FBXO34: variants seen among roughly 807,000 people sequenced by gnomAD.
FBXO34 encodes F-box only protein 34.
In FBXO34, 12 loss-of-function variants were observed where a neutral mutation model predicts 24.5. That is an observed-to-expected ratio of 0.49 (90% CI 0.31 to 0.79). The LOEUF (loss-of-function observed/expected upper bound fraction) is 0.79, where lower values mean the gene tolerates loss of function less well. FBXO34 is among the 30% of genes least tolerant of loss of function. The pLI, the probability that FBXO34 is intolerant of heterozygous loss-of-function variation, is 0.04. For synonymous variants in FBXO34, 320 were observed against 311.9 expected, an observed-to-expected ratio of 1.03 and a Z score of -0.27; for missense variants, 823 against 857.7, an observed-to-expected ratio of 0.96 and a Z score of 0.51.
At position 55,352,675 on chromosome 14, in the gene FBXO34, T is replaced by A; in HGVS notation, c.*149T>A. 1.5e-6 allele frequency: 1 copy of A among 684,356 alleles called. No individual in the cohort carries two copies. The highest frequency in any genetic ancestry group is 2.3e-6 in the Non-Finnish European group (1 of 431,980). 42.4% of individuals were successfully genotyped at this position (684,356 alleles called of 1,614,324 possible). A position where few individuals can be genotyped will look rare whatever the true frequency, so the allele number is the denominator to read the frequency against. ...CATTGCTCAGGCATTTTCTAAACTC[T>A]AAATTTACGAGCTGTACAAAAAAAT... On this transcript the variant is annotated 3_prime_UTR_variant, in exon 2 of 2. Coordinates refer to ENST00000313833, the MANE Select transcript of FBXO34 (RefSeq NM_017943.4).
At chr14:55,429,094 G>A in the FBXO34 span, 2 of 1,270,148 alleles carry the variant, frequency 1.6e-6, no homozygotes, top group East Asian at 2.4e-5. Flanking sequence ...CTATGAAGCT[G>A]TAGGCTTTGT....
chr14:55,373,545 C>T (rs979896309), downstream of FBXO34, among the ~76,000 whole-genome samples: 1 of 152,126 alleles, frequency 6.6e-6, no homozygotes, highest in Non-Finnish European at 1.5e-5. Context: ...CTGCAAACTC[C>T]GCCTCCTGGG....
At chr14:55,440,479 G>A in the FBXO34 span, 2 of 1,612,654 alleles carry the variant, frequency 1.2e-6, no homozygotes, top group East Asian at 4.5e-5. Context: ...GGGGGTGGGG[G>A]CGGGTAAGAG....
At chr14:55,363,063 C>G (rs1010790965), downstream of FBXO34, among the ~76,000 whole-genome samples, 1 of 146,388 alleles carries the variant, frequency 6.8e-6, no homozygotes, top group Admixed American at 6.9e-5. Flanking sequence ...GCTCTTGTTG[C>G]CCAGGCTGGA....
At chr14:55,347,832 A>G (rs1884208445) in intron 1 of FBXO34, among the ~76,000 whole-genome samples, 1 of 152,268 alleles carries the variant, frequency 6.6e-6, no homozygotes, top group African/African-American at 2.4e-5. Flanking sequence ...TGCAATGCAC[A>G]ATGGCGCACA....
chr14:55,326,661 G>C (rs1309130190), intron 1 of FBXO34, among the ~76,000 whole-genome samples: 1 of 152,166 alleles, frequency 6.6e-6, no homozygotes, highest in Non-Finnish European at 1.5e-5. Context: ...CTTATGAATA[G>C]AATTTAAGAG....
At chr14:55,368,074 AGTT>A (rs376551769) in exon 3 of FBXO34, 2 of 151,842 alleles carry the variant, frequency 1.3e-5, no homozygotes, top group African/African-American at 4.8e-5. Flanking sequence ...TTCTTTTGGT[AGTT>A]GTTACATAGG....
chr14:55,273,746 C>G (rs750783978), intron 1 of FBXO34, among the ~76,000 whole-genome samples: 81 of 152,142 alleles, frequency 5.3e-4, no homozygotes, highest in Non-Finnish European at 7.6e-4. Flanking sequence ...ATGTGTCTTT[C>G]CCGAGCGGTA....
chr14:55,419,032 T>A, the FBXO34 span, among the ~76,000 whole-genome samples: 1 of 152,214 alleles, frequency 6.6e-6, no homozygotes, highest in Non-Finnish European at 1.5e-5. Context: ...AGTCCATCCT[T>A]TTAGCCACTA....
At chr14:55,404,113 G>GGA in the FBXO34 span, among the ~76,000 whole-genome samples, 2 of 152,210 alleles carry the variant, frequency 1.3e-5, no homozygotes, top group African/African-American at 4.8e-5. Flanking sequence ...CAGCTCAAGA[G>GGA]GAGTTCACAA....
chr14:55,428,633 C>G, the FBXO34 span, among the ~76,000 whole-genome samples: 1 of 146,286 alleles, frequency 6.8e-6, no homozygotes, highest in Admixed American at 6.8e-5. Context: ...AAAGACTGGG[C>G]ACATGTGGTA....
chr14:55,307,012 A>C (rs1403962428), intron 1 of FBXO34, among the ~76,000 whole-genome samples: 1 of 152,216 alleles, frequency 6.6e-6, no homozygotes, highest in African/African-American at 2.4e-5. Flanking sequence ...GAGATTGTTT[A>C]ATATGGTATC....
At chr14:55,291,728 TG>T (rs1433027721) in intron 1 of FBXO34, among the ~76,000 whole-genome samples, 1 of 151,992 alleles carries the variant, frequency 6.6e-6, no homozygotes, top group African/African-American at 2.4e-5. Context: ...CCCAGTGCTT[TG>T]GGAGGCCAAG....
At chr14:55,375,492 T>A in the FBXO34 span, among the ~76,000 whole-genome samples, 5 of 127,896 alleles carry the variant, frequency 3.9e-5, no homozygotes, top group Admixed American at 7.4e-5. Context: ...CGGGCTAAAT[T>A]TTTTTTTTTT....
the FBXO34 span, among the ~76,000 whole-genome samples, chr14:55,420,509 A>T: frequency 0.016 from 2,370 of 152,274 alleles, 74 homozygotes; most frequent in African/African-American, 0.055. Flanking sequence ...AAACGCCAAG[A>T]GATGATAATT....
the FBXO34 span, among the ~76,000 whole-genome samples, chr14:55,442,325 G>T: frequency 3.3e-5 from 5 of 150,332 alleles, no homozygotes; most frequent in African/African-American, 1.2e-4. Flanking sequence ...GGAGGCCGAG[G>T]TTGCAATGAG....
chr14:55,279,018 C>T (rs1044192673), intron 1 of FBXO34, among the ~76,000 whole-genome samples: 18 of 151,338 alleles, frequency 1.2e-4, no homozygotes, highest in Admixed American at 7.9e-4. Flanking sequence ...TAGTGAAGGC[C>T]GGGCGTGGTG....
At chr14:55,398,934 A>G in the FBXO34 span, among the ~76,000 whole-genome samples, 1 of 152,206 alleles carries the variant, frequency 6.6e-6, no homozygotes, top group African/African-American at 2.4e-5. Flanking sequence ...TCAAGGGAAC[A>G]GGGATAATGA....
chr14:55,394,923 A>G, the FBXO34 span: 1 of 379,056 alleles, frequency 2.6e-6, no homozygotes, highest in Non-Finnish European at 5.1e-6. Flanking sequence ...ACCAAAAAGT[A>G]AACAACCAGA....
Sources: gnomAD v4.1 joint callset for allele counts (sites outside exome capture counted in the v4.1 genomes callset) on GRCh38, gnomAD v4.1.1 for gene constraint, MANE v1.5 for transcripts, NCBI Gene and HGNC (gene_info 2026-07-23, HGNC 2026-07-21) for gene names.